The following ZNF391 variants were observed in gnomAD, a reference collection of about 807,000 sequenced individuals.
The protein encoded by ZNF391 is zinc finger protein 391.
For synonymous variants in ZNF391, 126 were observed against 142.1 expected (o/e 0.89, Z 0.80); for missense variants, 375 against 425.5 (o/e 0.88, Z 1.04).
intron 1 of ZNF391, among the ~76,000 whole-genome samples, chr6:27,398,295 A>G (rs569258259): frequency 6.6e-6 from 1 of 152,286 alleles, no homozygotes; most frequent in South Asian, 2.1e-4. Flanking sequence ...TAACAAGAGG[A>G]GGGGTTAAAC....
chr6:27,387,661 C>T (rs1166849601), upstream of ZNF391, among the ~76,000 whole-genome samples: 2 of 152,088 alleles, frequency 1.3e-5, no homozygotes, highest in Non-Finnish European at 2.9e-5. Context: ...TATTATTTTA[C>T]TTATATGGCA....
chr6:27,391,608 A>G (rs1761716220), intron 1 of ZNF391, among the ~76,000 whole-genome samples: 1 of 152,210 alleles, frequency 6.6e-6, no homozygotes, highest in Non-Finnish European at 1.5e-5. Context: ...GAGGCAGAAG[A>G]TGGAAAGGCA....
upstream of ZNF391, among the ~76,000 whole-genome samples, chr6:27,388,346 G>C (rs546551750): frequency 6.6e-6 from 1 of 152,098 alleles, no homozygotes; most frequent in Non-Finnish European, 1.5e-5. Context: ...TAAGCAACTA[G>C]ATTGTGCAAC....
At chr6:27,380,133 A>C (rs1761475261) in intron 1 of ZNF391, among the ~76,000 whole-genome samples, 1 of 152,264 alleles carries the variant, frequency 6.6e-6, no homozygotes, top group Non-Finnish European at 1.5e-5. Context: ...TCGTCCATGC[A>C]GAAAAATTAG....
intron 1 of ZNF391, among the ~76,000 whole-genome samples, chr6:27,395,571 G>A (rs1399248623): frequency 6.6e-6 from 1 of 152,098 alleles, no homozygotes; most frequent in Non-Finnish European, 1.5e-5. Context: ...TGCAAGAACA[G>A]CCTAATACAT....
intron 2 of ZNF391, 119 bp downstream of exon 2, chr6:27,399,669 A>G (rs1373773380): frequency 3.9e-5 from 6 of 152,234 alleles, no homozygotes; most frequent in Non-Finnish European, 5.9e-5. Context: ...TATCTGTCAG[A>G]TGAGTGGGTT....
upstream of ZNF391, among the ~76,000 whole-genome samples, chr6:27,383,946 G>C (rs1004766800): frequency 1.3e-5 from 2 of 152,166 alleles, no homozygotes; most frequent in African/African-American, 2.4e-5. Flanking sequence ...AACAAGAAGA[G>C]AGTGGAGTGA....
chr6:27,396,784 A>G (rs1404041642), intron 1 of ZNF391, among the ~76,000 whole-genome samples: 1 of 152,206 alleles, frequency 6.6e-6, no homozygotes, highest in Non-Finnish European at 1.5e-5. Context: ...TATAAAAGCT[A>G]TGCAAAATAC....
chr6:27,385,458 C>T (rs1755314281), upstream of ZNF391, among the ~76,000 whole-genome samples: 1 of 152,058 alleles, frequency 6.6e-6, no homozygotes, highest in African/African-American at 2.4e-5. Context: ...TTATACCATA[C>T]TAACACTAAT....
chr6:27,401,461 A>G lies in ZNF391; in HGVS notation c.*14A>G, dbSNP rs776434483. 2.5e-6 allele frequency: 4 copies of G among 1,579,384 alleles called. No individual in the cohort carries two copies. In the Admixed American group the frequency reaches 5.2e-5, roughly 21 times the overall value. ...ACTAAAGAGTAATATCTGAGCTTTT[A>G]TTAATGTTAGCATAAGAACACATAT... is the stretch of plus-strand genomic sequence containing the variant. On this transcript the variant is annotated 3_prime_UTR_variant, in exon 3 of 3. Transcript: ENST00000244576.
chr6:27,385,573 C>T (rs181208050), upstream of ZNF391, among the ~76,000 whole-genome samples: 1 of 152,228 alleles, frequency 6.6e-6, no homozygotes, highest in African/African-American at 2.4e-5. Flanking sequence ...GAAAAGGGTT[C>T]TCTAAGAAGA....
At chr6:27,390,636 A>G (rs79928864) in intron 1 of ZNF391, among the ~76,000 whole-genome samples, 6,309 of 152,270 alleles carry the variant, frequency 0.041, 172 homozygotes, top group Non-Finnish European at 0.058. Flanking sequence ...AAGCCAGGAA[A>G]AAGAATGCAT....
chr6:27,388,924 G>A lies in ZNF391; in HGVS notation c.-339G>A. On this transcript the variant is annotated 5_prime_UTR_variant, in exon 1 of 3. Coordinates refer to ENST00000244576, the MANE Select transcript of ZNF391 (RefSeq NM_001076781.3). ...GAACCTGATGGGCGTTGGAGCAGCGGTTCGACGCATGGGTTTCTCTTTAAT... is the reference window on the plus strand; with the variant it reads ...GAACCTGATGGGCGTTGGAGCAGCGATTCGACGCATGGGTTTCTCTTTAAT... The A allele has an allele frequency of 2.2e-6, 1 of 456,406 alleles. No homozygotes were observed. The highest frequency in any genetic ancestry group is 4.4e-6 in the Non-Finnish European group (1 of 226,890). 28.3% of individuals were successfully genotyped at this position (456,406 alleles called of 1,614,324 possible). A position where few individuals can be genotyped will look rare whatever the true frequency, so the allele number is the denominator to read the frequency against.
intron 1 of ZNF391, among the ~76,000 whole-genome samples, chr6:27,399,160 G>T (rs1205721496): frequency 6.6e-6 from 1 of 152,174 alleles, no homozygotes; most frequent in African/African-American, 2.4e-5. Context: ...CATCAGACTT[G>T]CTGGGTCCAA....
intron 1 of ZNF391, among the ~76,000 whole-genome samples, chr6:27,396,692 A>C (rs980217784): frequency 3.9e-5 from 6 of 152,162 alleles, no homozygotes; most frequent in African/African-American, 1.4e-4. Context: ...GTACCGCTGC[A>C]CTCCAGCCTG....
Position 27,400,986 on chromosome 6 carries a change from A to G in ZNF391, c.616A>G (p.Thr206Ala). The G allele has an allele frequency of 6.2e-7, 1 of 1,614,202 alleles. No homozygotes were observed. Among genetic ancestry groups the G allele is most frequent in the Non-Finnish European group, 8.5e-7 (1 of 1,180,026 alleles). ...ATGTGGAAAAGCCTTTAGCCGAAGC[A>G]CTAACCTTAGTCAGCATCAGCGAAC... ...SECGKAFSRSTNLSQHQRTHT... is the reference protein window; with the variant it reads ...SECGKAFSRSANLSQHQRTHT... Residue 206 changes from threonine to alanine, a missense_variant, in exon 3 of 3, where the codon ACT becomes GCT. Physicochemically the swap from Thr to Ala is moderately conservative, Grantham distance 58. Transcript: ENST00000244576.
At position 27,400,275 on chromosome 6, in the gene ZNF391, A is replaced by T; in HGVS notation, c.-78-18A>T. The T allele has an allele frequency of 1.0e-6, 1 of 1,000,540 alleles. No homozygotes were observed. Among genetic ancestry groups the T allele is most frequent in the Non-Finnish European group, 1.5e-6 (1 of 671,322 alleles). 62.0% of individuals were successfully genotyped at this position (1,000,540 alleles called of 1,614,324 possible). ...CATAGTAGATACAGATGACATTTAC[A>T]CTTTAAATGTCTTTCAGATAGGGGG... On this transcript the variant is annotated intron_variant, in intron 2 of 2. Transcript: ENST00000244576.
At chr6:27,383,951 G>C (rs1231606175), upstream of ZNF391, among the ~76,000 whole-genome samples, 6 of 152,134 alleles carry the variant, frequency 3.9e-5, no homozygotes, top group African/African-American at 1.4e-4. Context: ...GAAGAGAGTG[G>C]AGTGAAATAT....
chr6:27,398,811 A>G (rs1337468754), intron 1 of ZNF391, among the ~76,000 whole-genome samples: 1 of 152,142 alleles, frequency 6.6e-6, no homozygotes, highest in Non-Finnish European at 1.5e-5. Context: ...GTGAGCCGAG[A>G]TCGCGCCATT....
Sources: gnomAD v4.1 joint callset for allele counts (sites outside exome capture counted in the v4.1 genomes callset) on GRCh38, gnomAD v4.1.1 for gene constraint, MANE v1.5 for transcripts, NCBI Gene and HGNC (gene_info 2026-07-23, HGNC 2026-07-21) for gene names.